FYCO1: variants seen among roughly 807,000 people sequenced by gnomAD.
FYCO1 encodes the protein FYVE and coiled-coil domain-containing protein 1.
A neutral mutation model predicts 165.1 loss-of-function variants in FYCO1; 122 were observed. That is an observed-to-expected ratio of 0.74 (90% CI 0.64 to 0.86). FYCO1 has a LOEUF of 0.86. Among genes scored for constraint, FYCO1 ranks in the 40% least tolerant of loss-of-function variants. The pLI, the probability that FYCO1 is intolerant of heterozygous loss-of-function variation, is 0.00. For missense variants in FYCO1, 1,702 were observed against 1,810.3 expected, an observed-to-expected ratio of 0.94 and a Z score of 1.09; for synonymous variants, 648 against 742.5, an observed-to-expected ratio of 0.87 and a Z score of 2.07.
rs144366392 is a variant in FYCO1, at chr3:45,948,446, T to C, written c.3944+6803A>G. ...GGCTCAGAGCCCGGGAAATAAGTCGTAAACTTTCATGGCATTGCTCTATCA... is the reference window on the plus strand; with the variant it reads ...GGCTCAGAGCCCGGGAAATAAGTCGCAAACTTTCATGGCATTGCTCTATCA... On this transcript the variant is annotated intron_variant, in intron 14 of 17. Transcript: ENST00000296137. The C allele has an allele frequency of 8.5e-5, 13 of 153,062 alleles. No individual in the cohort carries two copies. The East Asian group carries it at 2.5e-3, about 30-fold the overall frequency. 9.5% of individuals were successfully genotyped at this position (153,062 alleles called of 1,614,324 possible).
intron 2 of FYCO1, among the ~76,000 whole-genome samples, chr3:45,982,200 A>T (rs950413653): frequency 6.6e-6 from 1 of 152,132 alleles, no homozygotes; most frequent in Non-Finnish European, 1.5e-5. Flanking sequence ...GGGCCTTTAC[A>T]TGTATTTTTC....
At chr3:45,981,824 A>G in intron 2 of FYCO1, 148 bp from the exon 3 acceptor site, 1 of 691,690 alleles carries the variant, frequency 1.4e-6, no homozygotes, top group Non-Finnish European at 2.6e-6. Flanking sequence ...TCCATGAGAT[A>G]TAACTCCAAG....
At chr3:45,952,701 G>A (rs1399691859) in intron 14 of FYCO1, among the ~76,000 whole-genome samples, 2 of 150,730 alleles carry the variant, frequency 1.3e-5, no homozygotes, top group African/African-American at 2.4e-5. Context: ...GGCAGGGGAA[G>A]GTGAGGGGTA....
intron 5 of FYCO1, 122 bp downstream of exon 5, chr3:45,975,117 G>A: frequency 1.3e-6 from 1 of 777,660 alleles, no homozygotes; most frequent in Admixed American, 1.8e-5. Context: ...TATGTGGAAG[G>A]AGTCTGCAGT....
In FYCO1 at chr3:45,921,765, C is replaced by G. The variant is rs1349855419; in HGVS notation, c.4437G>C (p.Ter1479TyrextTer26). ...PVIYDGSDFL[*>Y] is the part of the protein sequence containing the mutation. ...AAGTGAAGTTACTGAGGTGCTGAAGCTACAGGAAATCACTTCCATCGTAGA... is the reference window on the plus strand; with the variant it reads ...AAGTGAAGTTACTGAGGTGCTGAAGGTACAGGAAATCACTTCCATCGTAGA... Residue 1479 changes from the stop codon to tyrosine (Y), a stop_lost, in exon 18 of 18, where the codon TAG (stop) becomes TAC (tyrosine). Transcript: ENST00000296137. 1.9e-6 allele frequency: 3 copies of G among 1,599,242 alleles called. No homozygotes were observed. Among genetic ancestry groups the G allele is most frequent in the Non-Finnish European group, 2.6e-6 (3 of 1,166,412 alleles).
In FYCO1 at chr3:45,975,365, T is replaced by C. The variant is rs370400873; in HGVS notation, c.289-20A>G. 4 of 1,578,800 alleles carry C rather than the reference T, an allele frequency of 2.5e-6. No individual in the cohort carries two copies. Among genetic ancestry groups the C allele is most frequent in the East Asian group, 2.2e-5 (1 of 44,698 alleles). ...TCGGAGCTGGAAAAAGCAGATTACA[T>C]AGAGCCAAAGAGCTGTCAGCCTAAC... On this transcript the variant is annotated intron_variant, in intron 4 of 17. Coordinates refer to ENST00000296137, the MANE Select transcript of FYCO1 (RefSeq NM_024513.4).
At chr3:45,950,567 C>T (rs149667088) in intron 14 of FYCO1, among the ~76,000 whole-genome samples, 13 of 152,256 alleles carry the variant, frequency 8.5e-5, no homozygotes, top group African/African-American at 2.9e-4. Flanking sequence ...CTGGCCTCCT[C>T]CTCCAAGGGG....
chr3:45,948,403 A>G (rs1187517351), intron 14 of FYCO1: 1 of 157,856 alleles, frequency 6.3e-6, no homozygotes, highest in Non-Finnish European at 1.5e-5. Context: ...CCTGGAATAT[A>G]CAAAAAAGTT....
At chr3:45,940,836 G>C (rs1317798060) in intron 14 of FYCO1, 2 of 152,156 alleles carry the variant, frequency 1.3e-5, no homozygotes, top group African/African-American at 2.4e-5. Flanking sequence ...AGACCCATAT[G>C]GATTTGCTGC....
intron 5 of FYCO1, among the ~76,000 whole-genome samples, chr3:45,973,988 G>C (rs1706586473): frequency 6.6e-6 from 1 of 152,190 alleles, no homozygotes. Flanking sequence ...TTGAACCCAG[G>C]AGGTAGAGGC....
intron 4 of FYCO1, among the ~76,000 whole-genome samples, chr3:45,976,749 G>T (rs1473416935): frequency 6.6e-6 from 1 of 152,196 alleles, no homozygotes; most frequent in Non-Finnish European, 1.5e-5. Context: ...ATTCAATGGG[G>T]TAAACATCCT....
chr3:45,975,271 TAAGGTGTCTGCCAA>T lies in FYCO1; in HGVS notation c.349_362del (p.Leu117ThrfsTer12). 3.7e-6 allele frequency: 6 copies of T among 1,613,906 alleles called. No homozygotes were observed. Among genetic ancestry groups the T allele is most frequent in the Non-Finnish European group, 5.1e-6 (6 of 1,179,782 alleles). Reference sequence around the variant, plus strand: ...CTTTGGTGTTCATGAAGCACTGCTGTAAGGTGTCTGCCAACCTCTGGTGCACCAAGGAGTAGCGA... The same window carrying T: ...CTTTGGTGTTCATGAAGCACTGCTGTCCTCTGGTGCACCAAGGAGTAGCGA... On this transcript the variant is annotated frameshift_variant, in exon 5 of 18. Transcript: ENST00000296137. LOFTEE classifies it high-confidence loss of function.
At chr3:45,922,852 C>A (rs1404199348) in intron 17 of FYCO1, among the ~76,000 whole-genome samples, 4 of 152,172 alleles carry the variant, frequency 2.6e-5, no homozygotes, top group Non-Finnish European at 5.9e-5. Flanking sequence ...TAGCCCAGGA[C>A]CTTGCTCAGA....
At chr3:45,991,723 G>A (rs1353188340) in intron 1 of FYCO1, among the ~76,000 whole-genome samples, 1 of 144,438 alleles carries the variant, frequency 6.9e-6, no homozygotes, top group Non-Finnish European at 1.6e-5. Flanking sequence ...GAAAAGCACC[G>A]CCACCCTCAC....
intron 16 of FYCO1, among the ~76,000 whole-genome samples, chr3:45,926,681 C>A (rs1703333243): frequency 6.6e-6 from 1 of 152,144 alleles, no homozygotes; most frequent in Non-Finnish European, 1.5e-5. Flanking sequence ...ATAGAATATT[C>A]CGGCCAGGCA....
chr3:45,947,821 G>A, intron 14 of FYCO1: 1 of 342,136 alleles, frequency 2.9e-6, no homozygotes, highest in Non-Finnish European at 5.7e-6. Flanking sequence ...ATTGGGACTG[G>A]GGCTGAAGGT....
intron 14 of FYCO1, among the ~76,000 whole-genome samples, chr3:45,952,149 G>T (rs1253371345): frequency 1.3e-5 from 2 of 152,210 alleles, no homozygotes; most frequent in African/African-American, 2.4e-5. Flanking sequence ...GACTAGTGAG[G>T]TCACGTGTAA....
In FYCO1 at chr3:45,958,610, G is replaced by A; in HGVS notation, c.3597C>T (p.Gly1199=). Residue 1199 remains glycine, a synonymous_variant, in exon 13 of 18, where the codon GGC becomes GGT. Transcript: ENST00000296137. The part of the protein sequence containing the change: ...MVRRHHCRIC[G]RIFCYYCCNN... ...TGCAGCAGTAGTAACAGAAGATGCG[G>A]CCACATATCCTGGGAACAAAACAAG... 2 of 1,614,192 alleles carry A rather than the reference G, an allele frequency of 1.2e-6. No individual in the cohort carries two copies. The highest frequency in any genetic ancestry group is 1.7e-6 in the Non-Finnish European group (2 of 1,180,026).
chr3:45,951,338 T>C (rs940640427), intron 14 of FYCO1, among the ~76,000 whole-genome samples: 1 of 152,166 alleles, frequency 6.6e-6, no homozygotes, highest in Non-Finnish European at 1.5e-5. Flanking sequence ...AGGAGGAAAC[T>C]GAGTTTGTGG....
Sources: gnomAD v4.1 joint callset for allele counts (sites outside exome capture counted in the v4.1 genomes callset) on GRCh38, gnomAD v4.1.1 for gene constraint, MANE v1.5 for transcripts, NCBI Gene and HGNC (gene_info 2026-07-23, HGNC 2026-07-21) for gene names.